The following SV2C variants were observed in gnomAD, a reference collection of about 807,000 sequenced individuals.
SV2C encodes synaptic vesicle glycoprotein 2C, also known as solute carrier family 22 member B3.
Under a neutral mutation model 79.7 loss-of-function variants are expected in SV2C, and 49 were observed. That is an observed-to-expected ratio of 0.61 (90% confidence interval 0.49 to 0.78). The LOEUF is 0.78. Among genes scored for constraint, SV2C ranks in the 30% least tolerant of loss-of-function variants. The probability of loss-of-function intolerance (pLI) is 0.00; values close to 1 mark genes in which losing one functional copy is unlikely to be tolerated. For synonymous variants in SV2C, 334 were observed against 333.2 expected, an observed-to-expected ratio of 1.00 and a Z score of -0.03; for missense variants, 833 against 912.9, an observed-to-expected ratio of 0.91 and a Z score of 1.13.
At chr5:76,116,117 T>C (rs1332065327) in intron 1 of SV2C, among the ~76,000 whole-genome samples, 1 of 152,218 alleles carries the variant, frequency 6.6e-6, no homozygotes, top group East Asian at 1.9e-4. Context: ...TAGCCATGTG[T>C]GGTCATTTGA....
chr5:76,026,794 T>C, the SV2C span, among the ~76,000 whole-genome samples: 1 of 152,144 alleles, frequency 6.6e-6, no homozygotes, highest in East Asian at 1.9e-4. Flanking sequence ...TGGAGATTGT[T>C]CACAGAAAGA....
In SV2C at chr5:76,282,236, T is replaced by G. The variant is rs560083960; in HGVS notation, c.914-2926T>G. ...TAAGCAAATGATATAATAAGCAAAT[T>G]GATATAATAAGCAGATTGACATAAT... On this transcript the variant is annotated intron_variant, in intron 4 of 12. Coordinates refer to ENST00000502798, the MANE Select transcript of SV2C (RefSeq NM_014979.4). 2.1e-3 allele frequency among the ~76,000 whole-genome samples: 311 copies of G among 147,332 alleles called. 2 individuals carry two copies. The highest frequency in any genetic ancestry group is 8.0e-3 in the Middle Eastern group (2 of 250).
chr5:76,150,454 G>A (rs2216671), intron 2 of SV2C, among the ~76,000 whole-genome samples: 5,655 of 151,762 alleles, frequency 0.037, 504 homozygotes, highest in East Asian at 0.34. Flanking sequence ...GGGATTACAG[G>A]CGCGAGCCAC....
At chr5:76,167,755 T>C (rs1359534581) in intron 2 of SV2C, among the ~76,000 whole-genome samples, 2 of 152,198 alleles carry the variant, frequency 1.3e-5, no homozygotes, top group Non-Finnish European at 2.9e-5. Flanking sequence ...CTCCACTGAG[T>C]GGCTGGTGGT....
At chr5:76,160,774 G>A (rs559486690) in intron 2 of SV2C, among the ~76,000 whole-genome samples, 2 of 152,318 alleles carry the variant, frequency 1.3e-5, no homozygotes, top group East Asian at 3.9e-4. Context: ...ATAAGCACAT[G>A]AGAAGATGCT....
chr5:76,128,900 C>T (rs774806487), intron 1 of SV2C, among the ~76,000 whole-genome samples: 15 of 152,180 alleles, frequency 9.9e-5, no homozygotes, highest in Non-Finnish European at 1.9e-4. Context: ...AGAAGTGCTG[C>T]TTTAATTCAA....
the SV2C span, among the ~76,000 whole-genome samples, chr5:76,021,457 A>G: frequency 1.3e-5 from 2 of 152,232 alleles, no homozygotes; most frequent in Admixed American, 1.3e-4. Context: ...ATCAATGTTT[A>G]TCAATCCCTT....
At chr5:76,311,821 T>C (rs542117026) in intron 12 of SV2C, among the ~76,000 whole-genome samples, 2 of 152,282 alleles carry the variant, frequency 1.3e-5, no homozygotes, top group South Asian at 4.1e-4. Context: ...CCGTCCCCAG[T>C]CCCTGCCACC....
the SV2C span, among the ~76,000 whole-genome samples, chr5:76,008,355 G>A: frequency 1.3e-5 from 2 of 152,128 alleles, no homozygotes; most frequent in Admixed American, 6.6e-5. Flanking sequence ...TTCAAAAGGA[G>A]TTAAAAGCCG....
chr5:76,182,265 A>T (rs890914610), intron 2 of SV2C, among the ~76,000 whole-genome samples: 1 of 150,656 alleles, frequency 6.6e-6, no homozygotes, highest in Admixed American at 6.6e-5. Context: ...TTAAGACATG[A>T]CCCCCCAGAC....
At chr5:76,304,433 GAC>G (rs1222234913) in intron 12 of SV2C, among the ~76,000 whole-genome samples, 1 of 152,220 alleles carries the variant, frequency 6.6e-6, no homozygotes, top group African/African-American at 2.4e-5. Context: ...AACCAGTTGA[GAC>G]ACTCTATAGC....
the SV2C span, among the ~76,000 whole-genome samples, chr5:76,063,773 A>C: frequency 6.6e-6 from 1 of 152,194 alleles, no homozygotes; most frequent in Non-Finnish European, 1.5e-5. Flanking sequence ...ATAAGATTTT[A>C]TAATTCAACA....
the SV2C span, among the ~76,000 whole-genome samples, chr5:75,984,616 TATCTATC>T: frequency 1.3e-5 from 2 of 149,950 alleles, no homozygotes; most frequent in African/African-American, 2.4e-5. Flanking sequence ...TCTATCTATC[TATCTATC>T]ATCTATCTGT....
intron 1 of SV2C, among the ~76,000 whole-genome samples, chr5:76,105,438 A>C (rs1329707904): frequency 6.6e-6 from 1 of 152,106 alleles, no homozygotes; most frequent in Non-Finnish European, 1.5e-5. Context: ...TTTTTAAACA[A>C]AGGAACCCAG....
chr5:75,942,240 T>A, the SV2C span, among the ~76,000 whole-genome samples: 64 of 152,342 alleles, frequency 4.2e-4, no homozygotes, highest in African/African-American at 1.4e-3. Flanking sequence ...TTGTTTGTAT[T>A]CTTTAAAATA....
chr5:75,945,097 A>G, the SV2C span, among the ~76,000 whole-genome samples: 1 of 152,130 alleles, frequency 6.6e-6, no homozygotes, highest in Non-Finnish European at 1.5e-5. Flanking sequence ...TAAAGCAGCT[A>G]AAATAACCAT....
the SV2C span, among the ~76,000 whole-genome samples, chr5:76,035,695 T>A: frequency 6.6e-6 from 1 of 152,180 alleles, no homozygotes; most frequent in African/African-American, 2.4e-5. Flanking sequence ...ATAGGTGTGG[T>A]GTGGTGCTGA....
At chr5:76,071,551 C>T in the SV2C span, among the ~76,000 whole-genome samples, 620 of 152,204 alleles carry the variant, frequency 4.1e-3, 6 homozygotes, top group Admixed American at 7.5e-3. Context: ...ACCAATTAGA[C>T]AGACTATTAA....
the SV2C span, among the ~76,000 whole-genome samples, chr5:75,958,933 C>T: frequency 2.6e-5 from 4 of 151,968 alleles, no homozygotes; most frequent in African/African-American, 4.8e-5. Context: ...TGTACATCTG[C>T]GTAGGTGGTC....
Sources: allele counts gnomAD v4.1 joint callset (sites outside exome capture counted in the v4.1 genomes callset), GRCh38; gene constraint gnomAD v4.1.1; transcripts MANE v1.5; gene names NCBI Gene and HGNC (gene_info 2026-07-23, HGNC 2026-07-21).